Variants in PTGS2 observed in about 807,000 individuals in gnomAD.
The protein encoded by PTGS2 is prostaglandin-endoperoxide synthase 2.
A neutral mutation model predicts 63.8 loss-of-function variants in PTGS2; 14 were observed. The ratio of observed to expected loss-of-function variants is 0.22; its 90% CI spans 0.14 to 0.34. PTGS2 has a LOEUF of 0.34. Among genes scored for constraint, PTGS2 ranks in the 10% least tolerant of loss-of-function variants. The pLI is 1.00. For synonymous variants in PTGS2, 271 were observed against 259.5 expected (o/e 1.04, Z -0.43); for missense variants, 533 against 738.5 (o/e 0.72, Z 3.23).
intron 7 of PTGS2, 113 bp downstream of exon 7, chr1:186,676,354 G>T: frequency 7.0e-7 from 1 of 1,430,202 alleles, no homozygotes; most frequent in Non-Finnish European, 9.5e-7. Flanking sequence ...AATGTATATA[G>T]AATGTGTGAG....
chr1:186,677,866 A>G lies in PTGS2; in HGVS notation c.458-36T>C, dbSNP rs773431871. The G allele has an allele frequency of 2.5e-6, 4 of 1,590,282 alleles. No individual in the cohort carries two copies. In the East Asian group the frequency reaches 6.7e-5, roughly 27 times the overall value. On this transcript the variant is annotated intron_variant, in intron 4 of 9. Transcript: ENST00000367468. ...AGAAAGCTAAGGTAAGAATCCATCT[A>G]TGTATTCAAGAAAGGAGATGGTGAC...
rs1211582207 is a variant in PTGS2 at position 186,674,245 on chromosome 1, C to G, written c.*108G>C. 1.4e-6 allele frequency: 1 copy of G among 708,670 alleles called. No homozygotes were observed. The highest frequency in any genetic ancestry group is 1.9e-6 in the Non-Finnish European group (1 of 513,494). The allele number at this position is 708,670 out of a possible 1,614,324, so 43.9% of individuals were successfully genotyped here. On this transcript the variant is annotated 3_prime_UTR_variant, in exon 10 of 10. Coordinates refer to ENST00000367468, the MANE Select transcript of PTGS2 (RefSeq NM_000963.4). ...TTCTCCGCAACAGGAGTACTGACTT[C>G]TGTTACAGAAGATGTTAAGTAACAT... is the stretch of plus-strand genomic sequence containing the variant.
intron 5 of PTGS2, among the ~76,000 whole-genome samples, chr1:186,677,170 C>T (rs1558249213): frequency 6.6e-6 from 1 of 151,832 alleles, no homozygotes; most frequent in African/African-American, 2.4e-5. Flanking sequence ...TTATATACTT[C>T]ACTATGATGA....
intron 1 of PTGS2, 71 bp from the exon 2 acceptor site, chr1:186,679,509 A>G: frequency 2.6e-6 from 3 of 1,134,366 alleles, no homozygotes; most frequent in Non-Finnish European, 3.9e-6. Flanking sequence ...TAATTGTTTG[A>G]CTATGAATCA....
chr1:186,675,289 G>T lies in PTGS2; in HGVS notation c.1365C>A (p.Arg455=). 6.2e-7 allele frequency: 1 copy of T among 1,614,120 alleles called. No homozygotes were observed. The highest frequency in any genetic ancestry group is 1.1e-5 in the South Asian group (1 of 91,056). The change falls in exon 9 of 10, where the codon CGC becomes CGA. Residue 455 remains arginine (R), a synonymous_variant. Coordinates refer to ENST00000367468, the MANE Select transcript of PTGS2 (RefSeq NM_000963.4). ...KYQSFNEYRK[R]FMLKPYESFE... is the part of the protein sequence containing the mutation. ...ATGATTCATAGGGCTTCAGCATAAAGCGTTTGCGGTACTCATTAAAAGACT... is the reference window on the plus strand; with the variant it reads ...ATGATTCATAGGGCTTCAGCATAAATCGTTTGCGGTACTCATTAAAAGACT...
intron 9 of PTGS2, 144 bp downstream of exon 9, chr1:186,675,105 A>T: frequency 1.0e-6 from 1 of 998,952 alleles, no homozygotes; most frequent in Non-Finnish European, 1.5e-6. Flanking sequence ...TGAACCCAGG[A>T]GGCGGAGGTT....
In PTGS2 at chr1:186,675,881, T is replaced by A; in HGVS notation, c.1257+17A>T. The A allele has an allele frequency of 6.3e-7, 1 of 1,589,662 alleles. No individual in the cohort carries two copies. Among genetic ancestry groups the A allele is most frequent in the East Asian group, 2.2e-5 (1 of 44,466 alleles). The stretch of plus-strand genomic sequence containing the variant: ...ACTGACTAGTCTTTTGTTTTGGTTT[T>A]CAATAATAATGCTTACCCTGCCAGC... On this transcript the variant is annotated intron_variant, in intron 8 of 9. Transcript: ENST00000367468.
chr1:186,675,120 T>G (rs1665757406), intron 9 of PTGS2, 129 bp downstream of exon 9: 1 of 1,206,564 alleles, frequency 8.3e-7, no homozygotes, highest in African/African-American at 1.5e-5. Context: ...GAGGTTGCAG[T>G]GAGCCGAGAT....
At position 186,675,935 on chromosome 1, in the gene PTGS2, T is replaced by C. The variant is rs755696929; in HGVS notation, c.1220A>G (p.Gln407Arg). 1 of 1,612,892 alleles carries C rather than the reference T, an allele frequency of 6.2e-7. No individual in the cohort carries two copies. Among genetic ancestry groups the C allele is most frequent in the East Asian group, 2.2e-5 (1 of 44,838 alleles). ...TTGCCTGGTGAATGATTCAACAAACTGGGTAATTCCATGTTCCAGCAATAT... is the reference window on the plus strand; with the variant it reads ...TTGCCTGGTGAATGATTCAACAAACCGGGTAATTCCATGTTCCAGCAATAT... ...NSILLEHGIT[Q>R]FVESFTRQIA... The change falls in exon 8 of 10, where the codon CAG becomes CGG. Residue 407 changes from glutamine (Q) to arginine (R), a missense_variant. Around this residue, in one of 5 missense-constraint regions of PTGS2, gnomAD observed 219 missense variants for 267.4 expected, o/e 0.82. Transcript: ENST00000367468.
chr1:186,675,487 T>C lies in PTGS2; in HGVS notation c.1258-91A>G, dbSNP rs13306034. ...GCCTTAGGTACAAATCAGGTAAAAC[T>C]GAAACTCCCAGCGGAGACAATTTTT... On this transcript the variant is annotated intron_variant, in intron 8 of 9. Transcript: ENST00000367468. 6 of 1,423,962 alleles carry C rather than the reference T, an allele frequency of 4.2e-6. No individual in the cohort carries two copies. The East Asian group carries it at 9.3e-5, about 22-fold the overall frequency. The allele number at this position is 1,423,962 out of a possible 1,614,324, so 88.2% of individuals were successfully genotyped here.
intron 7 of PTGS2, 114 bp from the exon 8 acceptor site, chr1:186,676,298 G>T: frequency 1.5e-6 from 2 of 1,371,218 alleles, no homozygotes; most frequent in South Asian, 2.9e-5. Flanking sequence ...TTTCTTCCTT[G>T]TCAGTATCAA....
rs1234657494 is a variant in PTGS2 at position 186,676,732 on chromosome 1, A to C, written c.724-19T>G. ...CAATTATCTAAAAAAATAAATAAAT[A>C]AATAAACATCAGTTAAAAAGTTAAG... On this transcript the variant is annotated intron_variant, in intron 6 of 9. Transcript: ENST00000367468. 6.2e-7 allele frequency: 1 copy of C among 1,601,168 alleles called. No homozygotes were observed. The highest frequency in any genetic ancestry group is 1.3e-5 in the African/African-American group (1 of 74,150).
At chr1:186,677,863 T>C in intron 4 of PTGS2, 33 bp from the exon 5 acceptor site, 1 of 1,594,240 alleles carries the variant, frequency 6.3e-7, no homozygotes, top group Non-Finnish European at 8.5e-7. Flanking sequence ...TAAGAATCCA[T>C]CTATGTATTC....
intron 7 of PTGS2, 67 bp from the exon 8 acceptor site, chr1:186,676,251 A>G (rs541292439): frequency 2.7e-6 from 4 of 1,467,448 alleles, no homozygotes; most frequent in South Asian, 1.4e-5. Flanking sequence ...AGCAACTGGA[A>G]TGCAATTTTT....
rs139215497 is a variant in PTGS2, at chr1:186,675,348, C to A, written c.1306G>T (p.Ala436Ser). Residue 436 changes from alanine (A) to serine (S), a missense_variant, in exon 9 of 10, where the codon GCT (alanine) becomes TCT (serine). Physicochemically the swap from Ala to Ser is moderately conservative, Grantham distance 99. Coordinates refer to ENST00000367468, the MANE Select transcript of PTGS2 (RefSeq NM_000963.4). ...ATCTGCCTGCTCTGGTCAATGGAAG[C>A]CTGTGATACTTTCTGTACTGCGGGT... ...VPPAVQKVSQ[A>S]SIDQSRQMKY... The A allele has an allele frequency of 6.3e-5, 101 of 1,614,046 alleles. No homozygotes were observed. The highest frequency in any genetic ancestry group is 8.1e-5 in the Non-Finnish European group (95 of 1,180,040).
At position 186,673,604 on chromosome 1, in the gene PTGS2, A is replaced by G. The variant is rs534809418; in HGVS notation, c.*749T>C. 6.6e-6 allele frequency: 1 copy of G among 152,324 alleles called. No individual in the cohort carries two copies. Among genetic ancestry groups the G allele is most frequent in the Admixed American group, 6.5e-5 (1 of 15,306 alleles). 9.4% of individuals were successfully genotyped at this position (152,324 alleles called of 1,614,324 possible). Reference sequence around the variant, plus strand: ...CATTTTGATTTAAAAGGAAGTTTTAACAGTCACACTAAAAAGGTTTATACT... The same window carrying G: ...CATTTTGATTTAAAAGGAAGTTTTAGCAGTCACACTAAAAAGGTTTATACT... On this transcript the variant is annotated 3_prime_UTR_variant, in exon 10 of 10. Transcript: ENST00000367468.
In PTGS2 at chr1:186,680,162, G is replaced by A. The variant is rs1194438469; in HGVS notation, c.52+77C>T. ...GGAGAGAAGTCGGAGTACTGGGATA[G>A]ACCCAGGAGGTCAGAGCGGAAACTC... is the stretch of plus-strand genomic sequence containing the variant. On this transcript the variant is annotated intron_variant, in intron 1 of 9. Transcript: ENST00000367468. The A allele has an allele frequency of 4.5e-6, 7 of 1,546,184 alleles. No homozygotes were observed. In the African/African-American group the frequency reaches 9.6e-5, roughly 21 times the overall value.
In PTGS2 at chr1:186,680,294, A is replaced by C. The variant is rs900370263; in HGVS notation, c.-4T>G. ...GCAGCAGGGCGCGGGCGAGCATCGC[A>C]GCGGCGGGCAGGGCGCGGCGCGGGG... On this transcript the variant is annotated 5_prime_UTR_variant, in exon 1 of 10. Coordinates refer to ENST00000367468, the MANE Select transcript of PTGS2 (RefSeq NM_000963.4). The C allele has an allele frequency of 5.8e-6, 9 of 1,540,648 alleles. No individual in the cohort carries two copies. In the African/African-American group the frequency reaches 1.2e-4, roughly 21 times the overall value.
chr1:186,680,409 A>C lies in PTGS2; in HGVS notation c.-119T>G. 1 of 676,510 alleles carries C rather than the reference A, an allele frequency of 1.5e-6. No homozygotes were observed. The allele number at this position is 676,510 out of a possible 1,614,324, so 41.9% of individuals were successfully genotyped here. A position where few individuals can be genotyped will look rare whatever the true frequency, so the allele number is the denominator to read the frequency against. The stretch of plus-strand genomic sequence containing the variant: ...GGACGTGCTCCTGACGCTCACTGCA[A>C]GTCGTATGACAATTGGTCGCTAACC... On this transcript the variant is annotated 5_prime_UTR_variant, in exon 1 of 10. Coordinates refer to ENST00000367468, the MANE Select transcript of PTGS2 (RefSeq NM_000963.4).
Sources: allele counts gnomAD v4.1 joint callset (sites outside exome capture counted in the v4.1 genomes callset), GRCh38; gene constraint gnomAD v4.1.1; regional missense constraint gnomAD v4.1.1; transcripts MANE v1.5; gene names NCBI Gene and HGNC (gene_info 2026-07-23, HGNC 2026-07-21).